The following HIF1A variants were observed in gnomAD, a reference collection of about 807,000 sequenced individuals.
HIF1A encodes the protein hypoxia inducible factor 1 subunit alpha, also known as hypoxia-inducible factor 1-alpha.
HIF1A carries 24 observed loss-of-function variants against 92.7 expected under a neutral mutation model. That is an observed-to-expected ratio of 0.26 (90% confidence interval 0.19 to 0.36). HIF1A has a LOEUF of 0.36. HIF1A is among the 10% of genes least tolerant of loss of function. The pLI is 1.00. For missense variants in HIF1A, 799 were observed against 998.5 expected (o/e 0.80, Z 2.69); for synonymous variants, 319 against 338.7 (o/e 0.94, Z 0.64).
intron 4 of HIF1A, among the ~76,000 whole-genome samples, chr14:61,724,349 T>TTCTCTCTCTCTCTATC (rs2044472929): frequency 1.0e-5 from 1 of 96,096 alleles, no homozygotes; most frequent in African/African-American, 3.4e-5. Flanking sequence ...CACACACACA[T>TTCTCTCTCTCTCTATC]TCTCTCTCTC....
chr14:61,721,883 T>C, intron 4 of HIF1A, 60 bp downstream of exon 4: 5 of 1,172,702 alleles, frequency 4.3e-6, no homozygotes, highest in Non-Finnish European at 6.3e-6. Flanking sequence ...TAAGATACTA[T>C]TGCTAATTAT....
intron 3 of HIF1A, 27 bp from the exon 4 acceptor site, chr14:61,721,712 C>G (rs753594213): frequency 3.1e-6 from 5 of 1,609,328 alleles, no homozygotes; most frequent in Non-Finnish European, 4.3e-6. Context: ...TATGATCTAG[C>G]CCTAATTTTT....
intron 6 of HIF1A, among the ~76,000 whole-genome samples, chr14:61,731,662 A>G (rs939373701): frequency 6.6e-6 from 1 of 152,220 alleles, no homozygotes; most frequent in African/African-American, 2.4e-5. Context: ...TAGGGGCTTA[A>G]AAGTTACTAC....
At chr14:61,727,800 G>C (rs555710418) in intron 6 of HIF1A, 145 bp downstream of exon 6, 43 of 643,690 alleles carry the variant, frequency 6.7e-5, no homozygotes, top group Non-Finnish European at 9.4e-5. Flanking sequence ...AGGCAAGCGG[G>C]GGGTGGATCA....
chr14:61,698,081 T>C (rs2044136676), intron 1 of HIF1A: 4 of 482,004 alleles, frequency 8.3e-6, no homozygotes, highest in Non-Finnish European at 1.4e-5. Context: ...AAGAGAGTAA[T>C]GATTCTGTTT....
At chr14:61,716,304 A>G (rs1336250004) in intron 1 of HIF1A, among the ~76,000 whole-genome samples, 2 of 152,220 alleles carry the variant, frequency 1.3e-5, no homozygotes, top group African/African-American at 4.8e-5. Context: ...CACATTTTTT[A>G]TATCATGAAA....
intron 2 of HIF1A, among the ~76,000 whole-genome samples, chr14:61,720,971 G>T (rs2044419678): frequency 1.3e-5 from 2 of 152,128 alleles, no homozygotes; most frequent in African/African-American, 4.8e-5. Flanking sequence ...GCCGGGCGCG[G>T]TGGCTCACGC....
Position 61,732,457 on chromosome 14 carries a change from AG to A in HIF1A, c.815del (p.Gly272AlafsTer16). On this transcript the variant is annotated frameshift_variant, in exon 7 of 15. Coordinates refer to ENST00000337138, the MANE Select transcript of HIF1A (RefSeq NM_001530.4). LOFTEE classifies it high-confidence loss of function. The stretch of plus-strand genomic sequence containing the variant: ...TGGGATATGAGCCAGAAGAACTTTT[AG>A]GCCGCTCAATTTATGAATATTATCA... ...LMGYEPEELL[G>X]RSIYEYYHAL... 1 of 1,611,602 alleles carries A rather than the reference AG, an allele frequency of 6.2e-7. No individual in the cohort carries two copies.
chr14:61,739,320 T>C (rs1382533283), intron 10 of HIF1A, among the ~76,000 whole-genome samples: 1 of 152,220 alleles, frequency 6.6e-6, no homozygotes, highest in East Asian at 1.9e-4. Context: ...CTTAGAGATA[T>C]CACACAGGGC....
chr14:61,747,265 T>C lies in HIF1A; in HGVS notation c.*180T>C. On this transcript the variant is annotated 3_prime_UTR_variant, in exon 15 of 15. Transcript: ENST00000337138. ...TTAATGCTCTTTTTTAGTATGTTCT[T>C]TAATGCTGGATCACAGACAGCTCAT... 2 of 465,594 alleles carry C rather than the reference T, an allele frequency of 4.3e-6. No homozygotes were observed. Among genetic ancestry groups the C allele is most frequent in the Non-Finnish European group, 7.5e-6 (2 of 267,042 alleles). 28.8% of individuals were successfully genotyped at this position (465,594 alleles called of 1,614,324 possible).
At chr14:61,727,797 C>CG (rs1207522970) in intron 6 of HIF1A, 142 bp downstream of exon 6, 23 of 648,950 alleles carry the variant, frequency 3.5e-5, no homozygotes, top group African/African-American at 5.4e-5. Context: ...CTGAGGCAAG[C>CG]GGGGGGTGGA....
At chr14:61,696,435 T>C (rs1372464874) in intron 1 of HIF1A, among the ~76,000 whole-genome samples, 11 of 152,254 alleles carry the variant, frequency 7.2e-5, no homozygotes, top group Admixed American at 5.9e-4. Context: ...TTTGCCTTTG[T>C]GCATTAGGGA....
intron 14 of HIF1A, 116 bp downstream of exon 14, chr14:61,745,933 T>A: frequency 1.0e-6 from 1 of 992,884 alleles, no homozygotes; most frequent in Non-Finnish European, 1.5e-6. Context: ...GATTAAAAAG[T>A]AAAGTTGTGG....
chr14:61,724,038 G>A (rs1028152608), intron 4 of HIF1A, among the ~76,000 whole-genome samples: 1 of 151,354 alleles, frequency 6.6e-6, no homozygotes, highest in Non-Finnish European at 1.5e-5. Flanking sequence ...AAATGCTTTA[G>A]AATTTATAAA....
chr14:61,724,372 T>TCC (rs1457261705), intron 4 of HIF1A, among the ~76,000 whole-genome samples: 3 of 150,116 alleles, frequency 2.0e-5, no homozygotes, highest in African/African-American at 7.3e-5. Context: ...TCTCTCTCTC[T>TCC]CTCTCTCTCC....
At position 61,737,058 on chromosome 14, in the gene HIF1A, C is replaced by G; in HGVS notation, c.1198C>G (p.Leu400Val). The G allele has an allele frequency of 1.2e-6, 2 of 1,614,160 alleles. No homozygotes were observed. Residue 400 changes from leucine to valine, a missense_variant, in exon 9 of 15, where the codon CTG becomes GTG. Physicochemically the swap from Leu to Val is conservative, Grantham distance 32 (BLOSUM62 1). Around this residue, in one of 2 missense-constraint regions of HIF1A, gnomAD observed 516 missense variants for 721.0 expected, o/e 0.72. Transcript: ENST00000337138. ...GAAGGAACCTGATGCTTTAACTTTG[C>G]TGGCCCCAGCCGCTGGAGACACAAT... Reference protein sequence around the residue: ...LKKEPDALTLLAPAAGDTIIS... With the variant: ...LKKEPDALTLVAPAAGDTIIS...
intron 6 of HIF1A, among the ~76,000 whole-genome samples, chr14:61,731,760 A>G (rs768075168): frequency 1.3e-5 from 2 of 152,236 alleles, no homozygotes; most frequent in African/African-American, 2.4e-5. Context: ...AACTTTTACC[A>G]TGTAGTTTAG....
At chr14:61,726,922 G>A in intron 5 of HIF1A, 104 bp downstream of exon 5, 1 of 616,250 alleles carries the variant, frequency 1.6e-6, no homozygotes, top group South Asian at 2.5e-5. Context: ...CAGTTCCATG[G>A]TGTTTGGTTA....
intron 7 of HIF1A, among the ~76,000 whole-genome samples, chr14:61,733,258 G>T (rs150733707): frequency 7.9e-4 from 120 of 152,196 alleles, no homozygotes; most frequent in African/African-American, 2.7e-3. Context: ...GCTAATTTTT[G>T]TATTTTTAGT....
Sources: allele counts gnomAD v4.1 joint callset (sites outside exome capture counted in the v4.1 genomes callset), GRCh38; gene constraint gnomAD v4.1.1; regional missense constraint gnomAD v4.1.1; transcripts MANE v1.5; gene names NCBI Gene and HGNC (gene_info 2026-07-23, HGNC 2026-07-21).